Variants in RP1 observed in about 807,000 individuals in gnomAD.
RP1 encodes the protein oxygen-regulated protein 1.
RP1 carries 16 observed loss-of-function variants against 14.8 expected under a neutral mutation model. The observed-to-expected ratio is 1.08, with a 90% confidence interval of 0.73 to 1.65. The LOEUF (loss-of-function observed/expected upper bound fraction) is 1.65. Ranked by LOEUF, RP1 falls within the 40% of genes most tolerant of loss-of-function variation. The pLI is 0.00. For missense variants in RP1, 2,631 were observed against 2,535.0 expected, an observed-to-expected ratio of 1.04 and a Z score of -0.81; for synonymous variants, 876 against 883.6, an observed-to-expected ratio of 0.99 and a Z score of 0.15.
At chr8:54,677,735 T>C (rs115267007) in intron 8 of RP1, among the ~76,000 whole-genome samples, 4,476 of 151,992 alleles carry the variant, frequency 0.029, 127 homozygotes, top group African/African-American at 0.066. Context: ...TCTAAACATA[T>C]ACAAATAAAA....
exon 20 of RP1, chr8:54,754,856 A>C (rs1220062788): frequency 8.5e-6 from 13 of 1,528,310 alleles, no homozygotes; most frequent in Non-Finnish European, 1.0e-5. Context: ...CAGCAAACGT[A>C]TGGCTGTCTC....
intron 15 of RP1, among the ~76,000 whole-genome samples, chr8:54,711,201 C>T (rs540989556): frequency 1.8e-4 from 28 of 152,174 alleles, no homozygotes; most frequent in African/African-American, 6.0e-4. Context: ...TTTAGCTTAA[C>T]GTTAAGGTTT....
chr8:54,740,951 G>A (rs1012121737), intron 19 of RP1, among the ~76,000 whole-genome samples: 3 of 151,416 alleles, frequency 2.0e-5, no homozygotes, highest in Non-Finnish European at 2.9e-5. Flanking sequence ...CAGGAGAATC[G>A]CTTGAACCCC....
chr8:54,653,566 T>C lies in RP1; in HGVS notation c.1038+700T>C, dbSNP rs189902433. On this transcript the variant is annotated intron_variant, in intron 5 of 22. Transcript: ENST00000636932. The stretch of plus-strand genomic sequence containing the variant: ...GAGTTTTAACATGTGGAAGAATTAA[T>C]GAAAACTTCATAGATGATGAGTAAT... 8.5e-5 allele frequency among the ~76,000 whole-genome samples: 13 copies of C among 152,324 alleles called. No individual in the cohort carries two copies. The East Asian group carries it at 2.5e-3, about 29-fold the overall frequency.
intron 3 of RP1, among the ~76,000 whole-genome samples, chr8:54,622,778 T>C (rs1244323304): frequency 1.3e-5 from 2 of 152,206 alleles, no homozygotes; most frequent in Non-Finnish European, 2.9e-5. Context: ...ATTTATTAAA[T>C]AAAAGGTTCA....
intron 24 of RP1, among the ~76,000 whole-genome samples, chr8:54,811,814 T>G (rs1811001818): frequency 6.6e-6 from 1 of 152,204 alleles, no homozygotes; most frequent in Non-Finnish European, 1.5e-5. Context: ...TTCATTGAAC[T>G]TAGGATTTGA....
Position 54,627,036 on chromosome 8 carries a change from G to A in RP1, c.3154G>A (p.Val1052Ile). ...AEKSGPEKKL[V>I]YQEINLARKR... ...AAAATCAGGACCAGAGAAAAAACTT[G>A]TTTACCAGGAAATAAACCTAGCTAG... is the stretch of plus-strand genomic sequence containing the variant. The change falls in exon 4 of 4, where the codon GTT (valine) becomes ATT (isoleucine). Residue 1052 changes from valine (V) to isoleucine (I), a missense_variant. By Grantham distance (29) the Val-to-Ile change is conservative (BLOSUM62 3). Coordinates refer to ENST00000220676, the MANE Select transcript of RP1 (RefSeq NM_006269.2). 2 of 1,613,962 alleles carry A rather than the reference G, an allele frequency of 1.2e-6. No individual in the cohort carries two copies. Among genetic ancestry groups the A allele is most frequent in the Non-Finnish European group, 1.7e-6 (2 of 1,179,940 alleles).
chr8:54,636,929 A>C (rs1342838126), intron 3 of RP1, among the ~76,000 whole-genome samples: 1 of 152,202 alleles, frequency 6.6e-6, no homozygotes, highest in Non-Finnish European at 1.5e-5. Flanking sequence ...AAGAATAACT[A>C]GGACCAAGAG....
intron 7 of RP1, among the ~76,000 whole-genome samples, chr8:54,667,682 C>T (rs938053393): frequency 1.3e-5 from 2 of 152,060 alleles, no homozygotes; most frequent in Non-Finnish European, 2.9e-5. Context: ...GTCTGAATTT[C>T]TCTCAAAATG....
chr8:54,824,126 T>C lies in RP1; in HGVS notation c.3616-13324T>C, dbSNP rs533370008. ...ATTTGCCCATTTTCTAATTGGATTG[T>C]TTGTGTGTTTTTTTTTTAATATTGA... On this transcript the variant is annotated intron_variant, in intron 24 of 28. Coordinates refer to the RP1 transcript ENST00000637698. Among the ~76,000 whole-genome samples, 3 of 134,784 alleles carry C rather than the reference T, an allele frequency of 2.2e-5. 1 individual carries two copies. Among genetic ancestry groups the C allele is most frequent in the South Asian group, 5.0e-4 (2 of 4,032 alleles). The allele number at this position is 134,784 out of a possible 152,430, so 88.4% of individuals were successfully genotyped here.
chr8:54,862,809 C>T (rs1372792084), intron 27 of RP1, among the ~76,000 whole-genome samples: 2 of 152,074 alleles, frequency 1.3e-5, no homozygotes, highest in Non-Finnish European at 2.9e-5. Flanking sequence ...TCACATAGTT[C>T]ATCTGTGGCT....
At chr8:54,723,731 C>CTACGGAATAGGTATTGTTTTAA (rs1284239671) in intron 16 of RP1, among the ~76,000 whole-genome samples, 3 of 152,144 alleles carry the variant, frequency 2.0e-5, no homozygotes, top group Non-Finnish European at 4.4e-5. Context: ...AGAGTAAGAC[C>CTACGGAATAGGTATTGTTTTAA]ACACTGCTAG....
upstream of RP1, among the ~76,000 whole-genome samples, chr8:54,612,861 C>T (rs1225864920): frequency 2.6e-5 from 4 of 152,272 alleles, no homozygotes; most frequent in East Asian, 1.9e-4. Flanking sequence ...CACCATTTCC[C>T]CTGACTACTT....
rs562603069 is a variant in RP1 at position 54,836,108 on chromosome 8, G to T, written c.3616-1342G>T. Among the ~76,000 whole-genome samples the T allele has an allele frequency of 8.5e-5, 13 of 152,188 alleles. No individual in the cohort carries two copies. In the South Asian group the frequency reaches 2.7e-3, roughly 32 times the overall value. On this transcript the variant is annotated intron_variant, in intron 24 of 28. Transcript: ENST00000637698. ...ATTATCACCAATATGACAACCCAAG[G>T]TTATATTATCAAGAAAAATATTTTA...
At chr8:54,762,343 C>G (rs959239757) in intron 22 of RP1, among the ~76,000 whole-genome samples, 1 of 152,104 alleles carries the variant, frequency 6.6e-6, no homozygotes, top group Non-Finnish European at 1.5e-5. Context: ...AGCAGAGCCG[C>G]GTGAGGAGAC....
chr8:54,664,674 T>A (rs1166459101), intron 7 of RP1, among the ~76,000 whole-genome samples: 1 of 152,164 alleles, frequency 6.6e-6, no homozygotes, highest in Non-Finnish European at 1.5e-5. Context: ...ATTGGCCACT[T>A]GTATATAATC....
At chr8:54,701,612 T>C (rs748657258) in exon 14 of RP1, 6 of 1,535,556 alleles carry the variant, frequency 3.9e-6, no homozygotes, top group Non-Finnish European at 5.2e-6. Flanking sequence ...AGCTGATGCA[T>C]CATCAGCAGG....
At chr8:54,691,162 G>A (rs1458057435) in intron 12 of RP1, among the ~76,000 whole-genome samples, 2 of 152,010 alleles carry the variant, frequency 1.3e-5, no homozygotes, top group East Asian at 3.9e-4. Flanking sequence ...GATTAGAAAA[G>A]GAAAGACCAG....
intron 1 of RP1, among the ~76,000 whole-genome samples, chr8:54,610,837 C>G (rs138441830): frequency 1.3e-5 from 2 of 152,284 alleles, no homozygotes; most frequent in African/African-American, 4.8e-5. Context: ...AATTGGCGTA[C>G]CTGAATTTCT....
Sources: allele counts gnomAD v4.1 joint callset (sites outside exome capture counted in the v4.1 genomes callset), GRCh38; gene constraint gnomAD v4.1.1; transcripts MANE v1.5; gene names NCBI Gene and HGNC (gene_info 2026-07-23, HGNC 2026-07-21).